The following NAV3 variants were observed in gnomAD, a reference collection of about 807,000 sequenced individuals.
The protein encoded by NAV3 is neuron navigator 3, also known as pore membrane and/or filament interacting like protein 1.
A neutral mutation model predicts 244.7 loss-of-function variants in NAV3; 87 were observed. The observed-to-expected ratio is 0.36, with a 90% CI of 0.30 to 0.42. The LOEUF (loss-of-function observed/expected upper bound fraction) is 0.42, where lower values mean the gene tolerates loss of function less well. Ranked by LOEUF, NAV3 falls within the 20% of genes least tolerant of loss-of-function variation. The pLI is 1.00. For missense variants in NAV3, 2,663 were observed against 2,893.3 expected, an observed-to-expected ratio of 0.92 and a Z score of 1.83; for synonymous variants, 1,126 against 1,042.2, an observed-to-expected ratio of 1.08 and a Z score of -1.55.
chr12:78,154,286 C>CACTACTATATAT (rs1957200106), intron 22 of NAV3, among the ~76,000 whole-genome samples: 1 of 117,612 alleles, frequency 8.5e-6, no homozygotes, highest in Admixed American at 9.7e-5. Context: ...ACTATATATA[C>CACTACTATATAT]TACTATATAT....
intron 12 of NAV3, among the ~76,000 whole-genome samples, chr12:78,069,441 T>C (rs1952641330): frequency 6.6e-6 from 1 of 152,000 alleles, no homozygotes; most frequent in South Asian, 2.1e-4. Context: ...TATTTCCTTC[T>C]AGGCTTCTTT....
intron 2 of NAV3, among the ~76,000 whole-genome samples, chr12:77,635,007 T>G (rs1356529390): frequency 6.6e-6 from 1 of 152,102 alleles, no homozygotes; most frequent in Non-Finnish European, 1.5e-5. Context: ...GGTGGGCAGT[T>G]CACCTGAGGT....
intron 2 of NAV3, among the ~76,000 whole-genome samples, chr12:77,794,339 T>C (rs1349364271): frequency 1.3e-5 from 2 of 152,180 alleles, no homozygotes; most frequent in East Asian, 3.9e-4. Flanking sequence ...CAGTAACATA[T>C]TGATCAAATA....
Position 77,715,555 on chromosome 12 carries a change from T to A in NAV3, c.72+143289T>A, listed in dbSNP as rs556135722. Among the ~76,000 whole-genome samples, 24 of 152,050 alleles carry A rather than the reference T, an allele frequency of 1.6e-4. No individual in the cohort carries two copies. In the South Asian group the frequency reaches 4.8e-3, roughly 30 times the overall value. Reference sequence around the variant, plus strand: ...AATTTTTACCAAAAAATAAATAGGGTTATTAAATTACTAGGATAAAGATAT... The same window carrying A: ...AATTTTTACCAAAAAATAAATAGGGATATTAAATTACTAGGATAAAGATAT... On this transcript the variant is annotated intron_variant, in intron 2 of 8. Coordinates refer to the NAV3 transcript ENST00000550042.
intron 2 of NAV3, among the ~76,000 whole-genome samples, chr12:77,747,704 TA>T (rs1365310270): frequency 6.6e-6 from 1 of 152,160 alleles, no homozygotes; most frequent in African/African-American, 2.4e-5. Flanking sequence ...TAAGCAGCCA[TA>T]AAAAATGATG....
At chr12:77,917,560 T>C (rs143329257) in intron 1 of NAV3, among the ~76,000 whole-genome samples, 15 of 152,166 alleles carry the variant, frequency 9.9e-5, no homozygotes, top group African/African-American at 2.9e-4. Context: ...TCCTATTTTC[T>C]ACTATTGTCT....
At chr12:78,040,295 G>T (rs1252703276) in intron 9 of NAV3, among the ~76,000 whole-genome samples, 1 of 152,052 alleles carries the variant, frequency 6.6e-6, no homozygotes, top group African/African-American at 2.4e-5. Flanking sequence ...GGAAAGAAAA[G>T]GTCCATTTGT....
chr12:78,088,449 T>C (rs1373612317), intron 12 of NAV3, among the ~76,000 whole-genome samples: 4 of 152,126 alleles, frequency 2.6e-5, no homozygotes, highest in South Asian at 2.1e-4. Context: ...AGTGATCACA[T>C]TGGTCTTGCA....
intron 8 of NAV3, among the ~76,000 whole-genome samples, chr12:78,009,369 A>G (rs1174238581): frequency 7.1e-6 from 1 of 140,544 alleles, no homozygotes; most frequent in African/African-American, 2.6e-5. Flanking sequence ...AATCGCTTGA[A>G]CCCAGGAGGT....
At chr12:77,749,500 C>T (rs531721330) in intron 2 of NAV3, among the ~76,000 whole-genome samples, 64 of 152,098 alleles carry the variant, frequency 4.2e-4, no homozygotes, top group African/African-American at 1.5e-3. Context: ...TGGGTTGCAT[C>T]AAAATTATGG....
chr12:78,021,930 T>G (rs1877227944), intron 9 of NAV3, 68 bp downstream of exon 9: 5 of 937,730 alleles, frequency 5.3e-6, no homozygotes, highest in Non-Finnish European at 6.5e-6. Flanking sequence ...AGACTTTTTA[T>G]TAAATCATAT....
intron 2 of NAV3, among the ~76,000 whole-genome samples, chr12:77,688,417 G>A (rs1436153803): frequency 6.6e-6 from 1 of 151,874 alleles, no homozygotes; most frequent in East Asian, 1.9e-4. Context: ...TCCTCACTAG[G>A]CTGTAAGTAC....
intron 2 of NAV3, among the ~76,000 whole-genome samples, chr12:77,727,985 A>G (rs749504075): frequency 6.6e-5 from 10 of 151,814 alleles, no homozygotes; most frequent in Non-Finnish European, 1.2e-4. Context: ...TGGCCTCATC[A>G]GTATTTTTTT....
chr12:78,138,366 T>A (rs987637327), intron 19 of NAV3, among the ~76,000 whole-genome samples: 3 of 151,878 alleles, frequency 2.0e-5, no homozygotes, highest in African/African-American at 7.3e-5. Context: ...TGTTCCATGA[T>A]CTTTTCCCTT....
chr12:78,107,470 G>T, intron 12 of NAV3, among the ~76,000 whole-genome samples: 1 of 152,034 alleles, frequency 6.6e-6, no homozygotes, highest in South Asian at 2.1e-4. Flanking sequence ...TAAAGTCAAA[G>T]ATAAGGAATA....
In NAV3 at chr12:78,188,293, G is replaced by A. The variant is rs1442187594; in HGVS notation, c.5836G>A (p.Gly1946Arg). 39 of 1,611,516 alleles carry A rather than the reference G, an allele frequency of 2.4e-5. No homozygotes were observed. The highest frequency in any genetic ancestry group is 3.3e-5 in the Non-Finnish European group (39 of 1,178,316). The change falls in exon 32 of 40, where the codon GGA (glycine) becomes AGA (arginine). Residue 1946 changes from glycine (G) to arginine (R), a missense_variant. This residue lies in a region of NAV3 where 543 missense variants were observed against 672.4 expected (regional missense o/e 0.81). Coordinates refer to ENST00000397909, the MANE Select transcript of NAV3 (RefSeq NM_001024383.2). ...TTTGATAGGATCCATTGGTGTTAGT[G>A]GAAAAACCAAGTGGGATGTCTTAGA... Reference protein sequence around the residue: ...AYLIGSIGVSGKTKWDVLDGV... With the variant: ...AYLIGSIGVSRKTKWDVLDGV...
chr12:77,725,542 A>G (rs1260211226), intron 2 of NAV3, among the ~76,000 whole-genome samples: 1 of 151,918 alleles, frequency 6.6e-6, no homozygotes, highest in Non-Finnish European at 1.5e-5. Flanking sequence ...CTTAAGCCCA[A>G]TGCTGCAAAC....
chr12:77,612,150 G>A (rs1382611458), intron 2 of NAV3, among the ~76,000 whole-genome samples: 1 of 151,954 alleles, frequency 6.6e-6, no homozygotes, highest in Non-Finnish European at 1.5e-5. Context: ...ACTTTTTAAA[G>A]TATGGCATAA....
chr12:78,059,612 G>T (rs1884030211), intron 12 of NAV3, among the ~76,000 whole-genome samples: 1 of 152,034 alleles, frequency 6.6e-6, no homozygotes, highest in African/African-American at 2.4e-5. Flanking sequence ...TTAAAACTAG[G>T]ATGATTTTCT....
Sources: gnomAD v4.1 joint callset for allele counts (sites outside exome capture counted in the v4.1 genomes callset) on GRCh38, gnomAD v4.1.1 for gene constraint, gnomAD v4.1.1 regional missense constraint, MANE v1.5 for transcripts, NCBI Gene and HGNC (gene_info 2026-07-23, HGNC 2026-07-21) for gene names.